TPD52: variants seen among roughly 807,000 people sequenced by gnomAD.
TPD52 encodes the protein tumor protein D52, also known as prostate and colon associated protein.
TPD52 carries 17 observed loss-of-function variants against 31.3 expected under a neutral mutation model. That is an observed-to-expected ratio of 0.54 (90% confidence interval 0.37 to 0.82). The LOEUF is 0.82. Among genes scored for constraint, TPD52 ranks in the 40% least tolerant of loss-of-function variants. The probability of loss-of-function intolerance (pLI) is 0.00; values close to 1 mark genes in which losing one functional copy is unlikely to be tolerated. For synonymous variants in TPD52, 83 were observed against 89.6 expected (o/e 0.93, Z 0.42); for missense variants, 212 against 240.1 (o/e 0.88, Z 0.77).
chr8:80,051,345 A>C, intron 4 of TPD52, 182 bp downstream of exon 4: 1 of 571,616 alleles, frequency 1.7e-6, no homozygotes, highest in East Asian at 3.1e-5. Flanking sequence ...ATTTGATGTT[A>C]GAATGCTAGG....
In TPD52 at chr8:80,042,687, A is replaced by G; in HGVS notation, c.456-19T>C. ...GGAGTTTCTATGGAGAGAAAAGAAA[A>G]ACAAATAGTAAATACAAATACTGAA... On this transcript the variant is annotated intron_variant, in intron 6 of 7. Coordinates refer to ENST00000518937, the MANE Select transcript of TPD52 (RefSeq NM_001025253.3). 1 of 1,598,480 alleles carries G rather than the reference A, an allele frequency of 6.3e-7. No individual in the cohort carries two copies. The highest frequency in any genetic ancestry group is 8.5e-7 in the Non-Finnish European group (1 of 1,173,292).
At position 80,037,827 on chromosome 8, in the gene TPD52, A is replaced by G. The variant is rs747068593; in HGVS notation, c.*289T>C. 2 of 250,752 alleles carry G rather than the reference A, an allele frequency of 8.0e-6. No individual in the cohort carries two copies. Among genetic ancestry groups the G allele is most frequent in the Non-Finnish European group, 1.5e-5 (2 of 133,090 alleles). 15.5% of individuals were successfully genotyped at this position (250,752 alleles called of 1,614,324 possible). ...TGTAAAGCAGGAAAACAACTATGAC[A>G]ATCTGTAGCTTCTTAGATCATTATA... On this transcript the variant is annotated 3_prime_UTR_variant, in exon 8 of 8. Coordinates refer to ENST00000518937, the MANE Select transcript of TPD52 (RefSeq NM_001025253.3).
Position 80,085,789 on chromosome 8 carries a change from AGAT to A in TPD52, c.20-21199_20-21197del, listed in dbSNP as rs1347490662. Among the ~76,000 whole-genome samples, 7 of 152,310 alleles carry A rather than the reference AGAT, an allele frequency of 4.6e-5. No individual in the cohort carries two copies. In the East Asian group the frequency reaches 9.6e-4, roughly 21 times the overall value. On this transcript the variant is annotated intron_variant, in intron 1 of 7. Transcript: ENST00000518937. ...AGCTCGGGAGAAATTTTGAGGAAGA[AGAT>A]GATATTTAAATGATGTTTAAAGTGC... is the stretch of plus-strand genomic sequence containing the variant.
At chr8:80,080,648 A>G (rs944459918) in intron 1 of TPD52, 4 of 1,314,090 alleles carry the variant, frequency 3.0e-6, no homozygotes, top group Non-Finnish European at 9.7e-7. Context: ...TGATAAGCAG[A>G]CCTATTTAAT....
chr8:80,051,213 T>C (rs1811350722), intron 4 of TPD52: 1 of 391,156 alleles, frequency 2.6e-6, no homozygotes, highest in East Asian at 5.8e-5. Flanking sequence ...CACCAGGCTC[T>C]GCCCACAATC....
intron 1 of TPD52, among the ~76,000 whole-genome samples, chr8:80,159,045 T>A (rs1252142724): frequency 2.0e-5 from 3 of 150,802 alleles, no homozygotes; most frequent in Non-Finnish European, 2.9e-5. Context: ...ATGTCCAATA[T>A]CACACTTGTC....
chr8:80,121,000 T>C (rs1234483331), intron 1 of TPD52, among the ~76,000 whole-genome samples: 3 of 151,170 alleles, frequency 2.0e-5, no homozygotes, highest in Admixed American at 2.0e-4. Context: ...GAGGATAGCT[T>C]GAACCAGGGA....
chr8:80,070,469 G>C (rs1414215845), intron 1 of TPD52, among the ~76,000 whole-genome samples: 1 of 152,132 alleles, frequency 6.6e-6, no homozygotes, highest in Non-Finnish European at 1.5e-5. Flanking sequence ...AGAGGAAACT[G>C]TTCCACCTCA....
chr8:80,080,261 G>A, intron 1 of TPD52: 2 of 1,562,708 alleles, frequency 1.3e-6, no homozygotes, highest in Non-Finnish European at 1.8e-6. Context: ...CAAACCCCAA[G>A]TTATGTCTAG....
chr8:80,073,087 A>G (rs1250554029), intron 1 of TPD52, among the ~76,000 whole-genome samples: 1 of 152,116 alleles, frequency 6.6e-6, no homozygotes, highest in African/African-American at 2.4e-5. Context: ...TGGGCAACAG[A>G]GCGAGAGCGA....
Position 80,081,716 on chromosome 8 carries a change from T to A in TPD52, c.20-17123A>T, listed in dbSNP as rs940899612. 9.4e-5 allele frequency among the ~76,000 whole-genome samples: 4 copies of A among 42,444 alleles called. No individual in the cohort carries two copies. The South Asian group carries it at 2.0e-3, about 21-fold the overall frequency. The allele number at this position is 42,444 out of a possible 152,430, so 27.8% of individuals were successfully genotyped here. On this transcript the variant is annotated intron_variant, in intron 1 of 7. Transcript: ENST00000518937. ...AAGATGGTCTGTATTCATCTTGTGA[T>A]TTTTTTTTTTTAAATACAGAATATA... is the stretch of plus-strand genomic sequence containing the variant.
intron 5 of TPD52, 91 bp downstream of exon 5, chr8:80,050,354 C>A: frequency 7.7e-7 from 1 of 1,299,660 alleles, no homozygotes; most frequent in Non-Finnish European, 1.1e-6. Flanking sequence ...ACTGGACAAA[C>A]ACGATCATCC....
At chr8:80,100,875 T>C (rs1806678754) in intron 1 of TPD52, among the ~76,000 whole-genome samples, 1 of 152,194 alleles carries the variant, frequency 6.6e-6, no homozygotes, top group Admixed American at 6.5e-5. Context: ...TCAATCTGCT[T>C]TACTCAGTCT....
intron 1 of TPD52, among the ~76,000 whole-genome samples, chr8:80,088,946 C>T (rs1392880407): frequency 1.3e-5 from 2 of 152,190 alleles, no homozygotes; most frequent in Non-Finnish European, 2.9e-5. Flanking sequence ...CCGCCCGCCT[C>T]GGCCTCCCAA....
chr8:80,094,449 T>C (rs900020274), intron 1 of TPD52, among the ~76,000 whole-genome samples: 55 of 59,750 alleles, frequency 9.2e-4, no homozygotes, highest in East Asian at 4.5e-3. Flanking sequence ...TATATATATA[T>C]ATATATATAT....
At chr8:80,045,487 C>A (rs969862745) in intron 5 of TPD52, among the ~76,000 whole-genome samples, 1 of 152,192 alleles carries the variant, frequency 6.6e-6, no homozygotes, top group Non-Finnish European at 1.5e-5. Flanking sequence ...CTTATCCTAG[C>A]ATATTGTAAT....
intron 1 of TPD52, among the ~76,000 whole-genome samples, chr8:80,117,544 G>A (rs1207054749): frequency 6.6e-6 from 1 of 152,044 alleles, no homozygotes; most frequent in Non-Finnish European, 1.5e-5. Context: ...TTAATATTGT[G>A]GAGATGACAA....
intron 1 of TPD52, among the ~76,000 whole-genome samples, chr8:80,136,523 C>CAAAAA (rs56656428): frequency 1.5e-5 from 1 of 67,080 alleles, no homozygotes. Flanking sequence ...GACTCTGTCT[C>CAAAAA]AAAAAAAAAA....
At chr8:80,112,588 A>T (rs1807571532) in intron 1 of TPD52, among the ~76,000 whole-genome samples, 1 of 152,246 alleles carries the variant, frequency 6.6e-6, no homozygotes, top group South Asian at 2.1e-4. Context: ...GTCTAAAAAA[A>T]CAATGTAGAG....
Sources: allele counts gnomAD v4.1 joint callset (sites outside exome capture counted in the v4.1 genomes callset), GRCh38; gene constraint gnomAD v4.1.1; transcripts MANE v1.5; gene names NCBI Gene and HGNC (gene_info 2026-07-23, HGNC 2026-07-21).